Variants in METTL2B observed in about 807,000 individuals in gnomAD.
METTL2B encodes methyltransferase 2B, tRNA N3-cytidine, also known as tRNA N(3)-cytidine methyltransferase METTL2B.
A neutral mutation model predicts 51.0 loss-of-function variants in METTL2B; 28 were observed. The ratio of observed to expected loss-of-function variants is 0.55; its 90% confidence interval spans 0.41 to 0.75. METTL2B has a LOEUF of 0.75. METTL2B is among the 30% of genes least tolerant of loss of function. The pLI is 0.00. For missense variants in METTL2B, 313 were observed against 460.7 expected, an observed-to-expected ratio of 0.68 and a Z score of 2.93; for synonymous variants, 128 against 166.3, an observed-to-expected ratio of 0.77 and a Z score of 1.77.
In METTL2B at chr7:128,479,352, C is replaced by G; in HGVS notation, c.397C>G (p.Pro133Ala). ...VCECRNNEDG[P>A]GLIMEEQHKC... Reference sequence around the variant, plus strand: ...TGAATGTAGAAACAATGAGGATGGACCTGGTTTAATAATGGAAGAACAGCA... The same window carrying G: ...TGAATGTAGAAACAATGAGGATGGAGCTGGTTTAATAATGGAAGAACAGCA... Residue 133 changes from proline (P) to alanine (A), a missense_variant, in exon 3 of 9, where the codon CCT becomes GCT. Pro to Ala is a conservative substitution (Grantham distance 27). Coordinates refer to ENST00000262432, the MANE Select transcript of METTL2B (RefSeq NM_018396.3). The G allele has an allele frequency of 1.2e-6, 2 of 1,614,222 alleles. No individual in the cohort carries two copies. The highest frequency in any genetic ancestry group is 1.7e-6 in the Non-Finnish European group (2 of 1,180,046).
chr7:128,488,352 ATC>A (rs1471575513), intron 5 of METTL2B, 191 bp downstream of exon 5: 1 of 887,492 alleles, frequency 1.1e-6, no homozygotes, highest in Non-Finnish European at 1.8e-6. Context: ...CAGATGTCAT[ATC>A]TGTTCATATA....
At chr7:128,491,257 GA>G (rs1259992316) in intron 5 of METTL2B, among the ~76,000 whole-genome samples, 5 of 151,148 alleles carry the variant, frequency 3.3e-5, no homozygotes, top group African/African-American at 1.2e-4. Flanking sequence ...AGGAGTTCAA[GA>G]CCAGCCTGGC....
At chr7:128,490,888 T>A (rs976284369) in intron 5 of METTL2B, among the ~76,000 whole-genome samples, 2 of 151,262 alleles carry the variant, frequency 1.3e-5, no homozygotes, top group African/African-American at 2.5e-5. Flanking sequence ...TATGGCTGGG[T>A]GCAGTGGCTC....
At chr7:128,486,289 G>A (rs954526424) in intron 4 of METTL2B, among the ~76,000 whole-genome samples, 22 of 150,734 alleles carry the variant, frequency 1.5e-4, no homozygotes, top group Admixed American at 9.3e-4. Flanking sequence ...GCAAAACTCC[G>A]TCTCAAAAAA....
Position 128,501,857 on chromosome 7 carries a change from A to G in METTL2B, c.1078A>G (p.Met360Val), listed in dbSNP as rs1793035991. The G allele has an allele frequency of 1.2e-6, 2 of 1,614,078 alleles. No homozygotes were observed. The highest frequency in any genetic ancestry group is 2.7e-5 in the African/African-American group (2 of 74,936). Residue 360 changes from methionine (M) to valine (V), a missense_variant, in exon 9 of 9, where the codon ATG (methionine) becomes GTG (valine). By Grantham distance (21) the Met-to-Val change is conservative. Transcript: ENST00000262432. ...GGTGAACCGAGGGAAGCAACTGACA[A>G]TGTACCGGGTTTGGATTCAGTGCAA... ...LQVNRGKQLT[M>V]YRVWIQCKYC...
At chr7:128,494,856 AC>A (rs1792895587) in intron 6 of METTL2B, among the ~76,000 whole-genome samples, 1 of 149,012 alleles carries the variant, frequency 6.7e-6, no homozygotes, top group Admixed American at 6.7e-5. Flanking sequence ...TTAACTCCTC[AC>A]CTTGTGATCT....
rs1293981617 is a variant in METTL2B at position 128,498,952 on chromosome 7, G to A, written c.916+810G>A. ...GCGGAGCTTGCAGTGAGCCGAGATC[G>A]CACCATTGCACTCCAGCCTGGGCAA... is the stretch of plus-strand genomic sequence containing the variant. On this transcript the variant is annotated intron_variant, in intron 7 of 8. Coordinates refer to ENST00000262432, the MANE Select transcript of METTL2B (RefSeq NM_018396.3). Among the ~76,000 whole-genome samples the A allele has an allele frequency of 6.7e-5, 10 of 149,708 alleles. No individual in the cohort carries two copies. In the East Asian group the frequency reaches 1.2e-3, roughly 18 times the overall value.
chr7:128,493,766 T>C (rs1417594033), intron 5 of METTL2B, 38 bp from the exon 6 acceptor site: 40 of 1,584,032 alleles, frequency 2.5e-5, no homozygotes, highest in Non-Finnish European at 3.0e-5. Flanking sequence ...GCTATGTTAA[T>C]ATTTTCTAAC....
At chr7:128,481,473 C>G (rs1799871913) in intron 4 of METTL2B, among the ~76,000 whole-genome samples, 1 of 152,212 alleles carries the variant, frequency 6.6e-6, no homozygotes. Context: ...CAGGGAAACA[C>G]TTTACTTACA....
chr7:128,506,341 T>A lies in METTL2B; in HGVS notation c.*4425T>A, dbSNP rs1475358993. The A allele has an allele frequency of 6.6e-6, 1 of 152,212 alleles. No individual in the cohort carries two copies. The highest frequency in any genetic ancestry group is 1.5e-5 in the Non-Finnish European group (1 of 68,048). 9.4% of individuals were successfully genotyped at this position (152,212 alleles called of 1,614,324 possible). A position where few individuals can be genotyped will look rare whatever the true frequency, so the allele number is the denominator to read the frequency against. ...GCAAAACTATAGGCACAGTTTTTATTTTATCTTTCTGGCACCTGGTTTGGG... is the reference window on the plus strand; with the variant it reads ...GCAAAACTATAGGCACAGTTTTTATATTATCTTTCTGGCACCTGGTTTGGG... On this transcript the variant is annotated 3_prime_UTR_variant, in exon 9 of 9. Transcript: ENST00000262432.
At chr7:128,498,823 A>C (rs1792973358) in intron 7 of METTL2B, among the ~76,000 whole-genome samples, 1 of 151,940 alleles carries the variant, frequency 6.6e-6, no homozygotes, top group Admixed American at 6.6e-5. Context: ...ACATGGAGAA[A>C]CCCTGTCTCT....
intron 5 of METTL2B, among the ~76,000 whole-genome samples, chr7:128,492,133 C>CGG (rs1792844228): frequency 6.6e-6 from 1 of 150,818 alleles, no homozygotes; most frequent in Non-Finnish European, 1.5e-5. Context: ...ACTGGGACTA[C>CGG]GGGCACATGC....
chr7:128,486,917 C>T (rs1197756048), intron 4 of METTL2B, among the ~76,000 whole-genome samples: 1 of 152,192 alleles, frequency 6.6e-6, no homozygotes, highest in African/African-American at 2.4e-5. Flanking sequence ...TAGCCCGTGA[C>T]CTTAATGGGT....
intron 4 of METTL2B, among the ~76,000 whole-genome samples, chr7:128,486,796 G>A (rs1252603938): frequency 6.6e-6 from 1 of 152,088 alleles, no homozygotes; most frequent in Non-Finnish European, 1.5e-5. Context: ...GTGGTGGTGC[G>A]CACCTGTAAT....
chr7:128,491,233 G>C lies in METTL2B; in HGVS notation c.670-2571G>C, dbSNP rs1020431946. ...GCACTTTGGGAGGCTGAGGTGGGCAGATCACTTGAGGTCAGGAGTTCAAGA... is the reference window on the plus strand; with the variant it reads ...GCACTTTGGGAGGCTGAGGTGGGCACATCACTTGAGGTCAGGAGTTCAAGA... On this transcript the variant is annotated intron_variant, in intron 5 of 8. Coordinates refer to ENST00000262432, the MANE Select transcript of METTL2B (RefSeq NM_018396.3). Among the ~76,000 whole-genome samples the C allele has an allele frequency of 4.0e-5, 6 of 151,246 alleles. 1 individual carries two copies. The highest frequency in any genetic ancestry group is 1.5e-4 in the African/African-American group (6 of 41,266).
chr7:128,497,783 G>A (rs74303240), intron 6 of METTL2B, among the ~76,000 whole-genome samples: 10,575 of 152,238 alleles, frequency 0.069, 775 homozygotes, highest in East Asian at 0.26. Flanking sequence ...GCACCTGGCC[G>A]GGAGCAGAGA....
rs527392135 is a variant in METTL2B, at chr7:128,477,458, A to G, written c.202+285A>G. On this transcript the variant is annotated intron_variant, in intron 2 of 8. Transcript: ENST00000262432. ...AGATCCACGTTGATATGGCTAGCCA[A>G]TGACAACTGTGTGGTCACGCGATCA... 2.6e-5 allele frequency among the ~76,000 whole-genome samples: 4 copies of G among 152,282 alleles called. No homozygotes were observed. The East Asian group carries it at 5.8e-4, about 22-fold the overall frequency.
Position 128,502,958 on chromosome 7 carries a change from A to G in METTL2B, c.*1042A>G, listed in dbSNP as rs1793058676. 1.1e-5 allele frequency: 2 copies of G among 179,000 alleles called. No homozygotes were observed. Among genetic ancestry groups the G allele is most frequent in the Non-Finnish European group, 1.2e-5 (1 of 84,064 alleles). 11.1% of individuals were successfully genotyped at this position (179,000 alleles called of 1,614,324 possible). A position where few individuals can be genotyped will look rare whatever the true frequency, so the allele number is the denominator to read the frequency against. ...GAATTTTAAGCACTGTTCCCCCTCT[A>G]ACCTATGTCTAAAGAATTAAAAGAA... On this transcript the variant is annotated 3_prime_UTR_variant, in exon 9 of 9. Coordinates refer to ENST00000262432, the MANE Select transcript of METTL2B (RefSeq NM_018396.3).
Position 128,505,466 on chromosome 7 carries a change from A to G in METTL2B, c.*3550A>G, listed in dbSNP as rs1793109088. Reference sequence around the variant, plus strand: ...CAGGCTCTGCATTTTGGGCAGGAATATTCAGAGGTGATGCTGTGTTCCTCC... The same window carrying G: ...CAGGCTCTGCATTTTGGGCAGGAATGTTCAGAGGTGATGCTGTGTTCCTCC... On this transcript the variant is annotated 3_prime_UTR_variant, in exon 9 of 9. Coordinates refer to ENST00000262432, the MANE Select transcript of METTL2B (RefSeq NM_018396.3). 1 of 152,156 alleles carries G rather than the reference A, an allele frequency of 6.6e-6. No individual in the cohort carries two copies. Among genetic ancestry groups the G allele is most frequent in the Non-Finnish European group, 1.5e-5 (1 of 68,036 alleles). 9.4% of individuals were successfully genotyped at this position (152,156 alleles called of 1,614,324 possible). A position where few individuals can be genotyped will look rare whatever the true frequency, so the allele number is the denominator to read the frequency against.
Sources: allele counts gnomAD v4.1 joint callset (sites outside exome capture counted in the v4.1 genomes callset), GRCh38; gene constraint gnomAD v4.1.1; transcripts MANE v1.5; gene names NCBI Gene and HGNC (gene_info 2026-07-23, HGNC 2026-07-21).